NRG1: variants seen among roughly 807,000 people sequenced by gnomAD.
NRG1 encodes pro-neuregulin-1, membrane-bound isoform.
Under a neutral mutation model 63.8 loss-of-function variants are expected in NRG1, and 18 were observed. That is an observed-to-expected ratio of 0.28 (90% confidence interval 0.19 to 0.42). The LOEUF (loss-of-function observed/expected upper bound fraction) is 0.42. Ranked by LOEUF, NRG1 falls within the 10% of genes least tolerant of loss-of-function variation. The probability of loss-of-function intolerance (pLI) is 1.00; values close to 1 mark genes in which losing one functional copy is unlikely to be tolerated. For synonymous variants in NRG1, 302 were observed against 301.3 expected (o/e 1.00, Z -0.02); for missense variants, 762 against 814.7 (o/e 0.94, Z 0.79).
At chr8:32,002,980 T>C (rs1813186310) in intron 1 of NRG1, among the ~76,000 whole-genome samples, 1 of 152,096 alleles carries the variant, frequency 6.6e-6, no homozygotes, top group Admixed American at 6.6e-5. Flanking sequence ...AATTCTATTG[T>C]ATGCTTGTAG....
chr8:31,978,190 T>G (rs946517751), intron 1 of NRG1, among the ~76,000 whole-genome samples: 1 of 152,096 alleles, frequency 6.6e-6, no homozygotes. Flanking sequence ...CTCCTTTAAT[T>G]TAGAATATCT....
At chr8:32,477,399 T>C (rs1157654951) in intron 1 of NRG1, among the ~76,000 whole-genome samples, 1 of 152,178 alleles carries the variant, frequency 6.6e-6, no homozygotes, top group African/African-American at 2.4e-5. Flanking sequence ...TTCAGAATGA[T>C]TGGGCCTTTT....
chr8:32,201,221 T>A (rs1843471124), intron 1 of NRG1, among the ~76,000 whole-genome samples: 1 of 152,190 alleles, frequency 6.6e-6, no homozygotes, highest in Non-Finnish European at 1.5e-5. Context: ...AACTTTGTCC[T>A]TGTGGATTAC....
chr8:31,884,341 A>G (rs1207877758), intron 1 of NRG1, among the ~76,000 whole-genome samples: 1 of 152,118 alleles, frequency 6.6e-6, no homozygotes, highest in Non-Finnish European at 1.5e-5. Context: ...TCAAGGTGGT[A>G]GCTCTAGCTC....
chr8:32,182,558 A>G (rs1428763468), intron 1 of NRG1, among the ~76,000 whole-genome samples: 1 of 152,144 alleles, frequency 6.6e-6, no homozygotes, highest in African/African-American at 2.4e-5. Flanking sequence ...CACAGGCTTC[A>G]CAGTCAGTAG....
At chr8:32,635,349 T>A (rs1009435967) in intron 5 of NRG1, among the ~76,000 whole-genome samples, 33 of 152,222 alleles carry the variant, frequency 2.2e-4, no homozygotes, top group African/African-American at 8.0e-4. Context: ...TATTACACCC[T>A]GTACAGTGAC....
chr8:32,217,921 C>A (rs1366493354), intron 1 of NRG1, among the ~76,000 whole-genome samples: 1 of 152,134 alleles, frequency 6.6e-6, no homozygotes, highest in Non-Finnish European at 1.5e-5. Flanking sequence ...CCCTGCAAAG[C>A]CAGCATTAAT....
At chr8:31,987,845 A>G (rs1810363151) in intron 1 of NRG1, among the ~76,000 whole-genome samples, 1 of 152,134 alleles carries the variant, frequency 6.6e-6, no homozygotes, top group Non-Finnish European at 1.5e-5. Flanking sequence ...ATACCAAAAT[A>G]ATTAGAGAGT....
intron 1 of NRG1, among the ~76,000 whole-genome samples, chr8:31,707,469 T>C (rs1276320044): frequency 6.6e-6 from 1 of 152,144 alleles, no homozygotes; most frequent in Non-Finnish European, 1.5e-5. Flanking sequence ...AAAGTTTTTC[T>C]GAATATTCTT....
intron 1 of NRG1, among the ~76,000 whole-genome samples, chr8:32,322,625 T>G (rs541645648): frequency 6.6e-5 from 10 of 152,128 alleles, no homozygotes; most frequent in African/African-American, 2.4e-4. Context: ...ATTGTGGAGA[T>G]CGTGTCACTG....
intron 1 of NRG1, among the ~76,000 whole-genome samples, chr8:32,269,033 AC>A (rs1189582104): frequency 6.6e-6 from 1 of 151,942 alleles, no homozygotes; most frequent in African/African-American, 2.4e-5. Context: ...AAATCACTTT[AC>A]CTCCTCTGTA....
At chr8:32,326,815 C>T (rs946390455) in intron 1 of NRG1, among the ~76,000 whole-genome samples, 5 of 152,026 alleles carry the variant, frequency 3.3e-5, no homozygotes, top group African/African-American at 1.2e-4. Context: ...AGTCATATTT[C>T]CAAACCTTTA....
chr8:32,137,347 C>T (rs1000466679), intron 1 of NRG1, among the ~76,000 whole-genome samples: 1 of 152,014 alleles, frequency 6.6e-6, no homozygotes, highest in African/African-American at 2.4e-5. Context: ...GAGGTTGAGG[C>T]AGGAGAATTG....
Position 31,753,875 on chromosome 8 carries a change from T to A in NRG1, c.37+114444T>A, listed in dbSNP as rs78391297. Among the ~76,000 whole-genome samples the A allele has an allele frequency of 1.6e-4, 24 of 152,220 alleles. No homozygotes were observed. In the East Asian group the frequency reaches 4.6e-3, roughly 29 times the overall value. Reference sequence around the variant, plus strand: ...ATTCTTTGGATCTAAGTTACTAGTATCTAGAGTGGTTCTGAATGACCAGGT... The same window carrying A: ...ATTCTTTGGATCTAAGTTACTAGTAACTAGAGTGGTTCTGAATGACCAGGT... On this transcript the variant is annotated intron_variant, in intron 1 of 10. Coordinates refer to the NRG1 transcript ENST00000519301.
chr8:32,252,931 C>T (rs1849281193), intron 1 of NRG1, among the ~76,000 whole-genome samples: 1 of 152,030 alleles, frequency 6.6e-6, no homozygotes, highest in Non-Finnish European at 1.5e-5. Context: ...AGTTGTATTC[C>T]TAGGGATTTT....
At chr8:32,213,625 A>G (rs1050963095) in intron 1 of NRG1, among the ~76,000 whole-genome samples, 1 of 152,110 alleles carries the variant, frequency 6.6e-6, no homozygotes, top group African/African-American at 2.4e-5. Flanking sequence ...TTTTAAAAAA[A>G]TTTAAAAAAA....
chr8:32,478,264 T>TGGG (rs33917513), intron 1 of NRG1, among the ~76,000 whole-genome samples: 1 of 151,896 alleles, frequency 6.6e-6, no homozygotes, highest in African/African-American at 2.4e-5. Context: ...TTCTTCCATG[T>TGGG]GGGGGGGCCT....
intron 1 of NRG1, among the ~76,000 whole-genome samples, chr8:32,006,932 G>A (rs991598672): frequency 4.6e-5 from 7 of 152,010 alleles, no homozygotes; most frequent in Admixed American, 4.6e-4. Flanking sequence ...CTGGTAATCA[G>A]TAATATAGAG....
chr8:32,712,775 C>T (rs754615924), intron 5 of NRG1, among the ~76,000 whole-genome samples: 12 of 152,134 alleles, frequency 7.9e-5, no homozygotes, highest in Non-Finnish European at 1.5e-4. Context: ...CCTACCATTA[C>T]TGTGGTAGTG....
Sources: allele counts gnomAD v4.1 joint callset (sites outside exome capture counted in the v4.1 genomes callset), GRCh38; gene constraint gnomAD v4.1.1; transcripts MANE v1.5; gene names NCBI Gene and HGNC (gene_info 2026-07-23, HGNC 2026-07-21).